Variants in SDK1 observed in about 807,000 individuals in gnomAD.
The protein encoded by SDK1 is sidekick cell adhesion molecule 1, also known as protein sidekick-1.
A neutral mutation model predicts 245.5 loss-of-function variants in SDK1; 157 were observed. The observed-to-expected ratio is 0.64, with a 90% CI of 0.56 to 0.73. The LOEUF is 0.73. Among genes scored for constraint, SDK1 ranks in the 30% least tolerant of loss-of-function variants. The pLI is 0.00. For missense variants in SDK1, 3,583 were observed against 3,002.3 expected (o/e 1.19, Z -4.52); for synonymous variants, 1,647 against 1,278.5 (o/e 1.29, Z -6.15).
intron 19 of SDK1, among the ~76,000 whole-genome samples, chr7:4,053,327 C>T (rs993530048): frequency 6.6e-6 from 1 of 151,040 alleles, no homozygotes; most frequent in African/African-American, 2.5e-5. Context: ...CTTCCCACTT[C>T]ACCCTTTATT....
intron 5 of SDK1, among the ~76,000 whole-genome samples, chr7:3,832,921 G>A (rs554254591): frequency 2.9e-4 from 44 of 152,068 alleles, no homozygotes; most frequent in Admixed American, 1.6e-3. Context: ...ACCTCTGCTT[G>A]TCAGTGTAAA....
intron 1 of SDK1, among the ~76,000 whole-genome samples, chr7:3,406,432 C>A (rs1047917117): frequency 6.6e-6 from 1 of 152,000 alleles, no homozygotes; most frequent in African/African-American, 2.4e-5. Flanking sequence ...TTATTTTTTT[C>A]CTCTCCAATG....
chr7:4,140,202 C>G (rs16871112), intron 28 of SDK1, among the ~76,000 whole-genome samples: 10,959 of 152,232 alleles, frequency 0.072, 694 homozygotes, highest in African/African-American at 0.17. Flanking sequence ...ACAGGCTGCT[C>G]GTCCCCCTCT....
At chr7:4,017,533 C>A (rs1786510083) in intron 17 of SDK1, among the ~76,000 whole-genome samples, 181 bp downstream of exon 17, 1 of 152,150 alleles carries the variant, frequency 6.6e-6, no homozygotes, top group Non-Finnish European at 1.5e-5. Context: ...GAAAACAGAA[C>A]CGTAGACAGG....
rs756210975 is a variant in SDK1, at chr7:4,005,393, A to AGAGT, written c.2132-5572_2132-5571insAGTG. Among the ~76,000 whole-genome samples, 14 of 129,908 alleles carry AGAGT rather than the reference A, an allele frequency of 1.1e-4. 1 individual carries two copies. Among genetic ancestry groups the AGAGT allele is most frequent in the Admixed American group, 3.9e-4 (5 of 12,764 alleles). The allele number at this position is 129,908 out of a possible 152,430, so 85.2% of individuals were successfully genotyped here. On this transcript the variant is annotated intron_variant, in intron 14 of 44. Coordinates refer to ENST00000404826, the MANE Select transcript of SDK1 (RefSeq NM_152744.4). ...TCCGGGTAGTTTCTTTTCTTATGTG[A>AGAGT]GTGTGTGTGTGTGTGTGTGTGTGTG...
chr7:3,509,536 C>T (rs1249196439), intron 1 of SDK1, among the ~76,000 whole-genome samples: 2 of 152,112 alleles, frequency 1.3e-5, no homozygotes, highest in Non-Finnish European at 2.9e-5. Flanking sequence ...ATGTTTGGGG[C>T]CGTTGTGTTA....
rs1787926289 is a variant in SDK1, at chr7:4,032,827, G to T, written c.2602+15475G>T. On this transcript the variant is annotated intron_variant, in intron 17 of 44. Coordinates refer to ENST00000404826, the MANE Select transcript of SDK1 (RefSeq NM_152744.4). ...AATGCTGCTGGAAGTTACTAGAGAA[G>T]GTGTAAACAAACGGACCGTGTTTTT... Among the ~76,000 whole-genome samples the T allele has an allele frequency of 2.6e-5, 4 of 152,170 alleles. No homozygotes were observed. In the South Asian group the frequency reaches 6.2e-4, roughly 24 times the overall value.
chr7:3,356,441 C>G (rs939429423), intron 1 of SDK1, among the ~76,000 whole-genome samples: 4 of 152,092 alleles, frequency 2.6e-5, no homozygotes, highest in African/African-American at 7.2e-5. Flanking sequence ...GACCTTATCC[C>G]CAAGTCTCTG....
chr7:3,913,006 C>G (rs185472695), intron 5 of SDK1, among the ~76,000 whole-genome samples: 146 of 152,336 alleles, frequency 9.6e-4, no homozygotes, highest in African/African-American at 3.1e-3. Flanking sequence ...TTTTTCTCTT[C>G]TCTTCATCTT....
chr7:4,079,964 C>G (rs991668687), intron 22 of SDK1, among the ~76,000 whole-genome samples: 47 of 152,316 alleles, frequency 3.1e-4, no homozygotes, highest in African/African-American at 1.1e-3. Flanking sequence ...GCTATGCATT[C>G]ATTCAACAAT....
chr7:3,868,150 GC>G (rs1780867155), intron 5 of SDK1, among the ~76,000 whole-genome samples: 2 of 152,226 alleles, frequency 1.3e-5, no homozygotes, highest in South Asian at 4.1e-4. Flanking sequence ...TCATAGGTCA[GC>G]CTTACAAATT....
At chr7:3,398,936 C>T (rs962910927) in intron 1 of SDK1, among the ~76,000 whole-genome samples, 1 of 152,042 alleles carries the variant, frequency 6.6e-6, no homozygotes, top group Non-Finnish European at 1.5e-5. Context: ...GACCTCAGTT[C>T]TCTGGTGTAT....
At position 4,254,335 on chromosome 7, in the gene SDK1, G is replaced by A. The variant is rs563930803; in HGVS notation, c.6381+8530G>A. On this transcript the variant is annotated intron_variant, in intron 44 of 44. Coordinates refer to ENST00000404826, the MANE Select transcript of SDK1 (RefSeq NM_152744.4). ...TTTAAAAGTCTTTTCTTCAGACTGC[G>A]TAATCTCTATCAATCTATCTTTAAG... Among the ~76,000 whole-genome samples, 368 of 152,146 alleles carry A rather than the reference G, an allele frequency of 2.4e-3. 3 individuals are homozygous for A. The highest frequency in any genetic ancestry group is 2.4e-3 in the Admixed American group (36 of 15,284).
intron 5 of SDK1, among the ~76,000 whole-genome samples, chr7:3,836,152 G>A (rs1168155165): frequency 2.0e-5 from 3 of 152,216 alleles, no homozygotes; most frequent in Admixed American, 6.5e-5. Context: ...CAAACTGAAT[G>A]AGCCACGTGG....
intron 5 of SDK1, among the ~76,000 whole-genome samples, chr7:3,943,886 C>G (rs1045009243): frequency 2.6e-5 from 4 of 152,130 alleles, no homozygotes; most frequent in African/African-American, 9.7e-5. Context: ...ATTCCTGTAA[C>G]TACAAAGAGG....
At chr7:4,139,675 ATATGTGTGTG>A (rs1562872597) in intron 28 of SDK1, among the ~76,000 whole-genome samples, 5 of 17,564 alleles carry the variant, frequency 2.8e-4, no homozygotes, top group East Asian at 4.4e-3. Context: ...GTGTGTGTGT[ATATGTGTGTG>A]TGTGTATGTG....
At chr7:4,034,165 C>A (rs961010636) in intron 17 of SDK1, among the ~76,000 whole-genome samples, 1 of 152,172 alleles carries the variant, frequency 6.6e-6, no homozygotes, top group Non-Finnish European at 1.5e-5. Context: ...AAACTAGGAA[C>A]ATATTGCACA....
chr7:4,103,467 GAA>G (rs1395918182), intron 22 of SDK1, among the ~76,000 whole-genome samples: 1 of 151,896 alleles, frequency 6.6e-6, no homozygotes, highest in Non-Finnish European at 1.5e-5. Context: ...TGTCTCTCAC[GAA>G]AAAAGAGTCC....
intron 2 of SDK1, among the ~76,000 whole-genome samples, chr7:3,633,289 A>C (rs1782354290): frequency 6.6e-6 from 1 of 152,140 alleles, no homozygotes; most frequent in South Asian, 2.1e-4. Flanking sequence ...AATTTTAACA[A>C]ATATGCAGAT....
Sources: allele counts gnomAD v4.1 joint callset (sites outside exome capture counted in the v4.1 genomes callset), GRCh38; gene constraint gnomAD v4.1.1; transcripts MANE v1.5; gene names NCBI Gene and HGNC (gene_info 2026-07-23, HGNC 2026-07-21).